HAVCR1: variants seen among roughly 807,000 people sequenced by gnomAD.
The protein encoded by HAVCR1 is T cell immunoglobin domain and mucin domain protein 1.
Under a neutral mutation model 32.0 loss-of-function variants are expected in HAVCR1, and 34 were observed. The ratio of observed to expected loss-of-function variants is 1.06; its 90% confidence interval spans 0.81 to 1.42. The LOEUF (loss-of-function observed/expected upper bound fraction) is 1.42, where lower values mean the gene tolerates loss of function less well. HAVCR1 is among the 40% of genes most tolerant of loss of function. The pLI, the probability that HAVCR1 is intolerant of heterozygous loss-of-function variation, is 0.00. For missense variants in HAVCR1, 420 were observed against 442.3 expected (o/e 0.95, Z 0.45); for synonymous variants, 178 against 170.3 (o/e 1.05, Z -0.35).
At position 157,037,192 on chromosome 5, in the gene HAVCR1, AG is replaced by A. The variant is rs1352812285; in HGVS notation, c.952+54del. On this transcript the variant is annotated intron_variant, in intron 7 of 8. Coordinates refer to ENST00000523175, the MANE Select transcript of HAVCR1 (RefSeq NM_001173393.3). ...TGTGACTTATGAAACTAGTGAACCCAGGCAATTTTGCTGTACATCCCTTGTC... is the reference window on the plus strand; with the variant it reads ...TGTGACTTATGAAACTAGTGAACCCAGCAATTTTGCTGTACATCCCTTGTC... 3.5e-6 allele frequency: 3 copies of A among 848,938 alleles called. No homozygotes were observed. The African/African-American group carries it at 5.0e-5, about 14-fold the overall frequency. The allele number at this position is 848,938 out of a possible 1,614,324, so 52.6% of individuals were successfully genotyped here. A position where few individuals can be genotyped will look rare whatever the true frequency, so the allele number is the denominator to read the frequency against.
At chr5:157,031,615 GGAGTTT>G (rs1385170543) in intron 8 of HAVCR1, among the ~76,000 whole-genome samples, 9 of 152,200 alleles carry the variant, frequency 5.9e-5, no homozygotes, top group Admixed American at 2.0e-4. Context: ...CCTGAGGTGA[GGAGTTT>G]GAGACCAGCC....
chr5:157,053,332 G>C (rs1176563164), intron 3 of HAVCR1, among the ~76,000 whole-genome samples: 1 of 143,850 alleles, frequency 7.0e-6, no homozygotes, highest in Non-Finnish European at 1.5e-5. Flanking sequence ...GCAGTGAGTA[G>C]AGACTGGGCC....
intron 6 of HAVCR1, among the ~76,000 whole-genome samples, chr5:157,037,887 G>A (rs1363742518): frequency 2.6e-5 from 4 of 151,982 alleles, no homozygotes; most frequent in African/African-American, 9.7e-5. Flanking sequence ...GGTGCTGCAC[G>A]CCTGTAATCC....
In HAVCR1 at chr5:157,042,611, G is replaced by A; in HGVS notation, c.837+16C>T. 1 of 1,524,886 alleles carries A rather than the reference G, an allele frequency of 6.6e-7. No homozygotes were observed. Among genetic ancestry groups the A allele is most frequent in the Non-Finnish European group, 9.1e-7 (1 of 1,101,756 alleles). 94.5% of individuals were successfully genotyped at this position (1,524,886 alleles called of 1,614,324 possible). On this transcript the variant is annotated intron_variant, in intron 6 of 8. Coordinates refer to ENST00000523175, the MANE Select transcript of HAVCR1 (RefSeq NM_001173393.3). ...CAAGTGAATCTGGCTAATCAAATAG[G>A]GCGGAATATGCTTACAGTTTGATTG...
At chr5:157,052,194 G>A (rs565298048) in intron 4 of HAVCR1, among the ~76,000 whole-genome samples, 167 bp downstream of exon 4, 94 of 152,282 alleles carry the variant, frequency 6.2e-4, no homozygotes, top group Non-Finnish European at 4.4e-5. Context: ...TGCAAAAGAC[G>A]CATACAACTT....
chr5:157,056,863 C>A (rs1756186754), intron 2 of HAVCR1, among the ~76,000 whole-genome samples: 1 of 152,120 alleles, frequency 6.6e-6, no homozygotes, highest in African/African-American at 2.4e-5. Context: ...GTCTATTTTA[C>A]TCTTTCCTTA....
At chr5:157,045,783 T>G (rs1337658698) in intron 5 of HAVCR1, among the ~76,000 whole-genome samples, 3 of 152,240 alleles carry the variant, frequency 2.0e-5, no homozygotes, top group African/African-American at 7.2e-5. Context: ...CCAGGCACAG[T>G]AAGAACTTGG....
rs189938529 is a variant in HAVCR1, at chr5:157,047,010, T to C, written c.781+2028A>G. 4.6e-5 allele frequency among the ~76,000 whole-genome samples: 7 copies of C among 152,316 alleles called. No individual in the cohort carries two copies. In the East Asian group the frequency reaches 1.3e-3, roughly 29 times the overall value. On this transcript the variant is annotated intron_variant, in intron 5 of 8. Coordinates refer to ENST00000523175, the MANE Select transcript of HAVCR1 (RefSeq NM_001173393.3). Reference sequence around the variant, plus strand: ...ATGAGATTATACATACATATATAGATAGATAGAGGTCTGTGCATGGTTCCT... The same window carrying C: ...ATGAGATTATACATACATATATAGACAGATAGAGGTCTGTGCATGGTTCCT...
chr5:157,040,337 C>T (rs1446085890), intron 6 of HAVCR1, among the ~76,000 whole-genome samples: 2 of 151,988 alleles, frequency 1.3e-5, no homozygotes, highest in Non-Finnish European at 2.9e-5. Context: ...ACCTCACTAT[C>T]CTGAGGAGTA....
chr5:157,059,335 G>C (rs935037764), upstream of HAVCR1, among the ~76,000 whole-genome samples: 63 of 152,216 alleles, frequency 4.1e-4, no homozygotes, highest in African/African-American at 1.4e-3. Flanking sequence ...AGGGTTCATG[G>C]GGAAGTGGAT....
At chr5:157,032,919 AAG>A in intron 7 of HAVCR1, 32 bp from the exon 8 acceptor site, 1 of 1,370,170 alleles carries the variant, frequency 7.3e-7, no homozygotes, top group South Asian at 1.3e-5. Flanking sequence ...AGAGGAGTTG[AAG>A]AGAAAACTAA....
Position 157,055,522 on chromosome 5 carries a change from C to T in HAVCR1, c.58G>A (p.Gly20Ser). The change falls in exon 3 of 9, where the codon GGT (glycine) becomes AGT (serine). Residue 20 changes from glycine to serine, a missense_variant. Physicochemically the swap from Gly to Ser is moderately conservative, Grantham distance 56. Transcript: ENST00000523175. ...GCCTCTCCACCAACCTTTACAGAAC[C>T]AGCTACAGAATCTGCAAAGAAGAAA... Reference protein sequence around the residue: ...LILHLADSVAGSVKVGGEAGP... With the variant: ...LILHLADSVASSVKVGGEAGP... 1 of 1,567,072 alleles carries T rather than the reference C, an allele frequency of 6.4e-7. No individual in the cohort carries two copies. The highest frequency in any genetic ancestry group is 8.7e-7 in the Non-Finnish European group (1 of 1,153,022).
chr5:157,062,032 G>A (rs113945388), upstream of HAVCR1, among the ~76,000 whole-genome samples: 4 of 152,188 alleles, frequency 2.6e-5, no homozygotes, highest in East Asian at 1.9e-4. Flanking sequence ...TTTTTAATGA[G>A]CTATACAACC....
chr5:157,046,893 G>T (rs62382456), intron 5 of HAVCR1, among the ~76,000 whole-genome samples: 1 of 151,916 alleles, frequency 6.6e-6, no homozygotes. Context: ...ATCATGCTCC[G>T]AAGGCCCCAG....
At chr5:157,048,602 G>A (rs932904810) in intron 5 of HAVCR1, among the ~76,000 whole-genome samples, 5 of 152,108 alleles carry the variant, frequency 3.3e-5, no homozygotes, top group Admixed American at 2.6e-4. Context: ...AGGTGGAGGC[G>A]GGCAGATCAC....
intron 7 of HAVCR1, among the ~76,000 whole-genome samples, chr5:157,033,088 A>G (rs535696939): frequency 7.2e-5 from 11 of 152,236 alleles, no homozygotes; most frequent in Non-Finnish European, 1.2e-4. Flanking sequence ...TCTCAATTTC[A>G]TTAATGGTTT....
upstream of HAVCR1, among the ~76,000 whole-genome samples, chr5:157,062,498 G>A (rs772867224): frequency 2.6e-5 from 4 of 152,190 alleles, no homozygotes; most frequent in African/African-American, 4.8e-5. Flanking sequence ...CAGTTCAGCT[G>A]TTCATATTCC....
At chr5:157,068,073 A>G in the HAVCR1 span, among the ~76,000 whole-genome samples, 1 of 151,132 alleles carries the variant, frequency 6.6e-6, no homozygotes, top group East Asian at 2.0e-4. Flanking sequence ...GGAGTTCCAG[A>G]CCAGCCTGGC....
At chr5:157,060,901 ATT>A (rs34856460), upstream of HAVCR1, among the ~76,000 whole-genome samples, 1 of 149,094 alleles carries the variant, frequency 6.7e-6, no homozygotes, top group African/African-American at 2.5e-5. Context: ...GGCATTTTTA[ATT>A]TTTTTTTTTT....
Sources: allele counts gnomAD v4.1 joint callset (sites outside exome capture counted in the v4.1 genomes callset), GRCh38; gene constraint gnomAD v4.1.1; transcripts MANE v1.5; gene names NCBI Gene and HGNC (gene_info 2026-07-23, HGNC 2026-07-21).